MDGA2: variants seen among roughly 807,000 people sequenced by gnomAD.
MDGA2 encodes the protein MAM domain-containing glycosylphosphatidylinositol anchor protein 2.
MDGA2 carries 40 observed loss-of-function variants against 117.8 expected under a neutral mutation model. That is an observed-to-expected ratio of 0.34 (90% CI 0.26 to 0.44). The LOEUF (loss-of-function observed/expected upper bound fraction) is 0.44. Ranked by LOEUF, MDGA2 falls within the 20% of genes least tolerant of loss-of-function variation. The probability of loss-of-function intolerance (pLI) is 1.00; values close to 1 mark genes in which losing one functional copy is unlikely to be tolerated. For missense variants in MDGA2, 1,123 were observed against 1,250.6 expected (o/e 0.90, Z 1.54); for synonymous variants, 452 against 439.0 (o/e 1.03, Z -0.37).
At chr14:47,376,254 C>A (rs1891476063) in intron 1 of MDGA2, among the ~76,000 whole-genome samples, 1 of 152,078 alleles carries the variant, frequency 6.6e-6, no homozygotes, top group South Asian at 2.1e-4. Flanking sequence ...AAACAGTGTG[C>A]CTGATGCTGG....
chr14:47,570,445 G>A (rs970781987), intron 1 of MDGA2, among the ~76,000 whole-genome samples: 12 of 152,104 alleles, frequency 7.9e-5, no homozygotes, highest in Admixed American at 7.2e-4. Context: ...GTATACTCAT[G>A]TGCAAAATGA....
intron 1 of MDGA2, among the ~76,000 whole-genome samples, chr14:47,570,480 G>A (rs555658866): frequency 1.3e-5 from 2 of 152,250 alleles, no homozygotes; most frequent in South Asian, 2.1e-4. Flanking sequence ...CTTTCATGGA[G>A]TTGTTAGAAG....
intron 1 of MDGA2, among the ~76,000 whole-genome samples, chr14:47,575,941 C>T (rs1307074435): frequency 6.6e-6 from 1 of 152,116 alleles, no homozygotes; most frequent in Non-Finnish European, 1.5e-5. Flanking sequence ...TTTTGGAATT[C>T]AGTGCTAAAG....
At chr14:47,565,637 C>T (rs1192897903) in intron 1 of MDGA2, among the ~76,000 whole-genome samples, 1 of 152,166 alleles carries the variant, frequency 6.6e-6, no homozygotes, top group African/African-American at 2.4e-5. Flanking sequence ...CCAGTTGTGG[C>T]CATACGACAG....
At chr14:47,175,006 G>A (rs1884369623) in intron 3 of MDGA2, among the ~76,000 whole-genome samples, 1 of 152,020 alleles carries the variant, frequency 6.6e-6, no homozygotes, top group Non-Finnish European at 1.5e-5. Flanking sequence ...TACCATCAGA[G>A]AATACTACAA....
At chr14:47,248,350 C>T (rs995115043) in intron 2 of MDGA2, among the ~76,000 whole-genome samples, 1 of 151,366 alleles carries the variant, frequency 6.6e-6, no homozygotes, top group African/African-American at 2.4e-5. Context: ...TGCCTCTTTC[C>T]ACATCTTATA....
intron 1 of MDGA2, among the ~76,000 whole-genome samples, chr14:47,619,492 C>T (rs1897011555): frequency 6.6e-6 from 1 of 152,086 alleles, no homozygotes; most frequent in Non-Finnish European, 1.5e-5. Flanking sequence ...GTGGAAGTAG[C>T]CATGACTCAG....
chr14:47,145,742 C>T (rs1439650637), intron 3 of MDGA2, among the ~76,000 whole-genome samples: 1 of 152,082 alleles, frequency 6.6e-6, no homozygotes. Context: ...GCCCTGGACA[C>T]ATAGTATTAA....
At position 47,367,698 on chromosome 14, in the gene MDGA2, A is replaced by G. The variant is rs564201297; in HGVS notation, c.281-66148T>C. ...AACAAATCTCATCTACACAAGAGCAACAATTACCAACATACGTTTCTTGAC... is the reference window on the plus strand; with the variant it reads ...AACAAATCTCATCTACACAAGAGCAGCAATTACCAACATACGTTTCTTGAC... On this transcript the variant is annotated intron_variant, in intron 1 of 16. Transcript: ENST00000399232. 2.1e-4 allele frequency among the ~76,000 whole-genome samples: 32 copies of G among 152,318 alleles called. No homozygotes were observed. The South Asian group carries it at 6.2e-3, about 30-fold the overall frequency.
rs184702559 is a variant in MDGA2 at position 47,106,761 on chromosome 14, A to G, written c.926-9638T>C. On this transcript the variant is annotated intron_variant, in intron 5 of 16. Transcript: ENST00000399232. ...AGCCCGTCCCCTTCTTAATCAATAC[A>G]GAGGCTACTCACTCCACATTACCCT... Among the ~76,000 whole-genome samples, 501 of 148,906 alleles carry G rather than the reference A, an allele frequency of 3.4e-3. 4 individuals are homozygous for G. Among genetic ancestry groups the G allele is most frequent in the Admixed American group, 5.3e-3 (79 of 14,936 alleles).
At chr14:47,545,233 C>A (rs1287818154) in intron 1 of MDGA2, among the ~76,000 whole-genome samples, 1 of 152,122 alleles carries the variant, frequency 6.6e-6, no homozygotes, top group East Asian at 1.9e-4. Context: ...GCTGATGCCA[C>A]TAAAAGCTGA....
intron 1 of MDGA2, among the ~76,000 whole-genome samples, chr14:47,306,471 G>A (rs1455992805): frequency 1.3e-5 from 2 of 151,826 alleles, no homozygotes; most frequent in Non-Finnish European, 1.5e-5. Context: ...CCTGAAAAAC[G>A]TGCTGCTAAT....
At position 47,462,125 on chromosome 14, in the gene MDGA2, C is replaced by T. The variant is rs566486625; in HGVS notation, c.281-160575G>A. Among the ~76,000 whole-genome samples, 11 of 152,196 alleles carry T rather than the reference C, an allele frequency of 7.2e-5. No individual in the cohort carries two copies. The South Asian group carries it at 2.1e-3, about 29-fold the overall frequency. ...AAGCGCGGTGGCTCACGCCTGTAAC[C>T]CCAGCACTTTGGGAGGCCGAGGCGG... On this transcript the variant is annotated intron_variant, in intron 1 of 16. Transcript: ENST00000399232.
intron 9 of MDGA2, among the ~76,000 whole-genome samples, chr14:46,934,064 C>T (rs550100104): frequency 4.0e-4 from 61 of 151,486 alleles, no homozygotes; most frequent in African/African-American, 1.3e-3. Context: ...TTTGCTGAAA[C>T]GATAGTTTTT....
chr14:47,262,551 A>G (rs1887830502), intron 2 of MDGA2, among the ~76,000 whole-genome samples: 1 of 152,182 alleles, frequency 6.6e-6, no homozygotes, highest in Non-Finnish European at 1.5e-5. Flanking sequence ...CACCAGTGGA[A>G]ATTCTGATGT....
intron 3 of MDGA2, among the ~76,000 whole-genome samples, chr14:47,196,323 A>T (rs2139423996): frequency 6.6e-6 from 1 of 152,282 alleles, no homozygotes; most frequent in South Asian, 2.1e-4. Context: ...GTTCTCAGTG[A>T]CAAGAATCCT....
intron 1 of MDGA2, among the ~76,000 whole-genome samples, chr14:47,414,397 T>G: frequency 6.6e-6 from 1 of 152,120 alleles, no homozygotes; most frequent in East Asian, 1.9e-4. Flanking sequence ...AAAAATAAAC[T>G]ATATAATTCA....
At chr14:47,498,253 C>T (rs775207604) in intron 1 of MDGA2, among the ~76,000 whole-genome samples, 1 of 152,132 alleles carries the variant, frequency 6.6e-6, no homozygotes, top group Non-Finnish European at 1.5e-5. Flanking sequence ...TCCTCATGTA[C>T]CTTTCTTTGC....
intron 1 of MDGA2, among the ~76,000 whole-genome samples, chr14:47,547,956 T>G (rs867693120): frequency 1.3e-5 from 2 of 152,068 alleles, no homozygotes; most frequent in South Asian, 4.1e-4. Flanking sequence ...CCAATATAAC[T>G]ATGTTCGCCC....
Sources: gnomAD v4.1 joint callset for allele counts (sites outside exome capture counted in the v4.1 genomes callset) on GRCh38, gnomAD v4.1.1 for gene constraint, MANE v1.5 for transcripts, NCBI Gene and HGNC (gene_info 2026-07-23, HGNC 2026-07-21) for gene names.